Variants in RPTOR observed in about 807,000 individuals in gnomAD.
RPTOR encodes regulatory-associated protein of mTOR.
Under a neutral mutation model 169.9 loss-of-function variants are expected in RPTOR, and 21 were observed. The ratio of observed to expected loss-of-function variants is 0.12; its 90% confidence interval spans 0.09 to 0.18. RPTOR has a LOEUF of 0.18. RPTOR is among the 10% of genes least tolerant of loss of function. RPTOR has a pLI of 1.00. For missense variants in RPTOR, 1,133 were observed against 1,855.9 expected (o/e 0.61, Z 7.16); for synonymous variants, 732 against 753.2 (o/e 0.97, Z 0.46).
At chr17:80,753,725 T>C (rs2066652999) in intron 5 of RPTOR, among the ~76,000 whole-genome samples, 2 of 150,036 alleles carry the variant, frequency 1.3e-5, no homozygotes, top group African/African-American at 4.9e-5. Context: ...CTGGGGTAAG[T>C]AGGGTCCTGC....
At chr17:80,910,996 A>T (rs916759028) in intron 21 of RPTOR, among the ~76,000 whole-genome samples, 1 of 151,698 alleles carries the variant, frequency 6.6e-6, no homozygotes, top group African/African-American at 2.4e-5. Context: ...ACACCCGGCT[A>T]ATTTTTGTAT....
intron 4 of RPTOR, among the ~76,000 whole-genome samples, chr17:80,710,612 T>TGTGTGTGTGTGTG (rs1598245903): frequency 6.8e-6 from 1 of 147,340 alleles, no homozygotes; most frequent in African/African-American, 2.5e-5. Flanking sequence ...TGTGTGTGTG[T>TGTGTGTGTGTGTG]TAAAGTGGTC....
In RPTOR at chr17:80,633,436, G is replaced by A. The variant is rs1250003481; in HGVS notation, c.265+7643G>A. On this transcript the variant is annotated intron_variant, in intron 2 of 33. Transcript: ENST00000306801. The surrounding 1 kb of genome is among the most constrained non-coding windows in gnomAD (Gnocchi z 4.1). ...TCTGAAGCAGTTCCACAGGCATTCC[G>A]TGACCCTCCTCACCCTGGCGCTTGA... Among the ~76,000 whole-genome samples the A allele has an allele frequency of 2.0e-5, 3 of 152,214 alleles. No individual in the cohort carries two copies. Among genetic ancestry groups the A allele is most frequent in the African/African-American group, 7.2e-5 (3 of 41,448 alleles).
At chr17:80,807,808 G>C (rs1228922021) in intron 7 of RPTOR, among the ~76,000 whole-genome samples, 1 of 152,064 alleles carries the variant, frequency 6.6e-6, no homozygotes, top group Non-Finnish European at 1.5e-5. Flanking sequence ...TTAACTGCCA[G>C]ATAGTATATG....
Position 80,957,571 on chromosome 17 carries a change from T to A in RPTOR, c.3371-53T>A. 3 of 1,556,910 alleles carry A rather than the reference T, an allele frequency of 1.9e-6. No individual in the cohort carries two copies. ...GCTGCCCAGAGCAGGCCCCAAAGCC[T>A]GCCCAAGGCAAGGGCCCATGGGGTG... On this transcript the variant is annotated intron_variant, in intron 28 of 33. Transcript: ENST00000306801. This position sits in a 1 kb window ranked among gnomAD's most constrained non-coding sequence, Gnocchi z 4.6.
chr17:80,947,104 G>T lies in RPTOR; in HGVS notation c.3141-123G>T. 2 of 955,804 alleles carry T rather than the reference G, an allele frequency of 2.1e-6. No individual in the cohort carries two copies. The highest frequency in any genetic ancestry group is 2.9e-6 in the Non-Finnish European group (2 of 678,836). The allele number at this position is 955,804 out of a possible 1,614,324, so 59.2% of individuals were successfully genotyped here. On this transcript the variant is annotated intron_variant, in intron 26 of 33. Transcript: ENST00000306801. This position sits in a 1 kb window ranked among gnomAD's most constrained non-coding sequence, Gnocchi z 4.4. ...GTAGCTAGGATGACAGGTGTGAGCC[G>T]CCGTGCCCGGCTGTGGTGTGTGGTT...
At chr17:80,940,800 A>G (rs1598413417) in intron 25 of RPTOR, among the ~76,000 whole-genome samples, 199 bp downstream of exon 25, 1 of 152,222 alleles carries the variant, frequency 6.6e-6, no homozygotes, top group African/African-American at 2.4e-5. Flanking sequence ...GCTGCTCCTC[A>G]AGGTTCTGCA....
chr17:80,694,857 G>T lies in RPTOR; in HGVS notation c.349-12984G>T, dbSNP rs576239574. 2.0e-4 allele frequency among the ~76,000 whole-genome samples: 30 copies of T among 152,280 alleles called. No homozygotes were observed. In the South Asian group the frequency reaches 5.8e-3, roughly 29 times the overall value. ...CACTCATGGGCATGTTGGCCTTCTC[G>T]AGGGGAAGGGGTTGAGTAACTCATG... On this transcript the variant is annotated intron_variant, in intron 3 of 33. Transcript: ENST00000306801.
At chr17:80,843,613 C>T (rs2143703340) in intron 10 of RPTOR, among the ~76,000 whole-genome samples, 1 of 152,056 alleles carries the variant, frequency 6.6e-6, no homozygotes, top group African/African-American at 2.4e-5. Flanking sequence ...CCTACAGAGC[C>T]GTACAGAGGG....
chr17:80,944,862 A>G (rs557541791), intron 25 of RPTOR, among the ~76,000 whole-genome samples: 18 of 151,862 alleles, frequency 1.2e-4, no homozygotes, highest in Non-Finnish European at 2.2e-4. Context: ...GTGGTGGCGG[A>G]TGCCTGTAAT....
chr17:80,895,177 C>T (rs531000193), intron 20 of RPTOR, among the ~76,000 whole-genome samples: 3 of 152,344 alleles, frequency 2.0e-5, no homozygotes, highest in South Asian at 2.1e-4. Context: ...CACCCTCACT[C>T]GCTGCACCCA....
intron 6 of RPTOR, among the ~76,000 whole-genome samples, chr17:80,771,878 G>A (rs940832997): frequency 2.0e-5 from 3 of 152,216 alleles, no homozygotes; most frequent in Admixed American, 6.5e-5. Context: ...GGTGCGTAGC[G>A]AGGCAGTCAC....
chr17:80,771,900 G>T (rs1240329097), intron 6 of RPTOR, among the ~76,000 whole-genome samples: 7 of 152,232 alleles, frequency 4.6e-5, no homozygotes. Context: ...GCTCACTGCA[G>T]CCTCGACCTC....
intron 7 of RPTOR, among the ~76,000 whole-genome samples, chr17:80,807,585 C>T (rs1045589546): frequency 3.9e-5 from 6 of 152,180 alleles, no homozygotes; most frequent in African/African-American, 1.4e-4. Flanking sequence ...CTCCTGACCT[C>T]AGGTGATCCG....
chr17:80,587,387 A>G (rs1332967875), intron 1 of RPTOR, among the ~76,000 whole-genome samples: 2 of 152,180 alleles, frequency 1.3e-5, no homozygotes, highest in South Asian at 2.1e-4. Context: ...GTCGTGAGCC[A>G]TTGAATACAG....
intron 1 of RPTOR, among the ~76,000 whole-genome samples, chr17:80,577,062 G>T (rs2064970341): frequency 1.4e-5 from 2 of 142,804 alleles, no homozygotes; most frequent in East Asian, 4.0e-4. Flanking sequence ...ATGAAGCTTC[G>T]CTCTTTTTGC....
At chr17:80,577,170 T>C (rs929187745) in intron 1 of RPTOR, among the ~76,000 whole-genome samples, 1 of 152,054 alleles carries the variant, frequency 6.6e-6, no homozygotes, top group Non-Finnish European at 1.5e-5. Context: ...TAGCTGAAAT[T>C]ACAGGCATGC....
chr17:80,651,357 G>A lies in RPTOR; in HGVS notation c.348+7547G>A, dbSNP rs922232426. On this transcript the variant is annotated intron_variant, in intron 3 of 33. Coordinates refer to ENST00000306801, the MANE Select transcript of RPTOR (RefSeq NM_020761.3). The surrounding 1 kb of genome is among the most constrained non-coding windows in gnomAD (Gnocchi z 4.1). ...GGAAAGTGCTGATCAAGGGGGAAAC[G>A]ATCAATAACAGATTGGAGGGGGACG... 6.6e-6 allele frequency among the ~76,000 whole-genome samples: 1 copy of A among 152,150 alleles called. No individual in the cohort carries two copies. The highest frequency in any genetic ancestry group is 1.9e-4 in the East Asian group (1 of 5,192).
intron 21 of RPTOR, chr17:80,909,841 A>G (rs988224481): frequency 5.9e-5 from 9 of 152,154 alleles, no homozygotes; most frequent in Admixed American, 3.3e-4. Flanking sequence ...TTGAGCTTTC[A>G]TCAATAAAGC....
Sources: gnomAD v4.1 joint callset for allele counts (sites outside exome capture counted in the v4.1 genomes callset) on GRCh38, gnomAD v4.1.1 for gene constraint, Gnocchi (gnomAD v3.1) non-coding constraint, MANE v1.5 for transcripts, NCBI Gene and HGNC (gene_info 2026-07-23, HGNC 2026-07-21) for gene names.